The following UBE2M variants were observed in gnomAD, a reference collection of about 807,000 sequenced individuals.
UBE2M encodes ubiquitin conjugating enzyme E2 M.
UBE2M carries 2 observed loss-of-function variants against 23.5 expected under a neutral mutation model. The observed-to-expected ratio is 0.09, with a 90% CI of 0.03 to 0.27. UBE2M has a LOEUF of 0.27. Among genes scored for constraint, UBE2M ranks in the 10% least tolerant of loss-of-function variants. UBE2M has a pLI of 1.00. For missense variants in UBE2M, 103 were observed against 232.9 expected (o/e 0.44, Z 3.63); for synonymous variants, 97 against 95.2 (o/e 1.02, Z -0.11).
At chr19:58,557,186 CAGAA>C in intron 1 of UBE2M, 29 bp from the exon 2 acceptor site, 2 of 1,605,206 alleles carry the variant, frequency 1.2e-6, no homozygotes, top group Non-Finnish European at 1.7e-6. Flanking sequence ...GAGTCGGGAA[CAGAA>C]AGAGGGAGGG....
rs1314204887 is a variant in UBE2M at position 58,555,717 on chromosome 19, T to C, written c.*372A>G. 1 of 257,252 alleles carries C rather than the reference T, an allele frequency of 3.9e-6. No homozygotes were observed. Among genetic ancestry groups the C allele is most frequent in the East Asian group, 8.5e-5 (1 of 11,790 alleles). 15.9% of individuals were successfully genotyped at this position (257,252 alleles called of 1,614,324 possible). ...GAAGTAAGAAGCAGAGGCCATGCAG[T>C]AACATTCCCCTTTAATAGCCTGGTG... On this transcript the variant is annotated 3_prime_UTR_variant, in exon 6 of 6. Coordinates refer to ENST00000253023, the MANE Select transcript of UBE2M (RefSeq NM_003969.4).
Position 58,558,356 on chromosome 19 carries a change from T to A in UBE2M, c.26A>T (p.Gln9Leu). Residue 9 changes from glutamine to leucine, a missense_variant, in exon 1 of 6, where the codon CAG becomes CTG. Gln to Leu is a moderately radical substitution (Grantham distance 113). Coordinates refer to ENST00000253023, the MANE Select transcript of UBE2M (RefSeq NM_003969.4). This position sits in a 1 kb window ranked among gnomAD's most constrained non-coding sequence, Gnocchi z 4.7. ...CGCCGACTCCTCCTCCTTCTTCTGC[T>A]GCTTCAGCGAGAACAGCTTGATCAT... The part of the protein sequence containing the change: MIKLFSLK[Q>L]QKKEEESAGG... 6.3e-7 allele frequency: 1 copy of A among 1,582,246 alleles called. No individual in the cohort carries two copies. The highest frequency in any genetic ancestry group is 2.4e-5 in the East Asian group (1 of 41,090).
intron 1 of UBE2M, among the ~76,000 whole-genome samples, chr19:58,557,379 T>G (rs894287442): frequency 3.9e-5 from 6 of 151,902 alleles, no homozygotes; most frequent in Non-Finnish European, 7.4e-5. Flanking sequence ...AACATGCATG[T>G]TCAGCTGTGT....
rs367973119 is a variant in UBE2M at position 58,556,082 on chromosome 19, G to A, written c.*7C>T. The A allele has an allele frequency of 1.2e-4, 190 of 1,602,292 alleles. No individual in the cohort carries two copies. Among genetic ancestry groups the A allele is most frequent in the Non-Finnish European group, 1.5e-4 (176 of 1,172,846 alleles). ...GTGGCCGTGGCGGGGGTGGGTATGC[G>A]CCAACCCTATTTCAGGCAGCGCTCA... On this transcript the variant is annotated 3_prime_UTR_variant, in exon 6 of 6. Coordinates refer to ENST00000253023, the MANE Select transcript of UBE2M (RefSeq NM_003969.4). The surrounding 1 kb of genome is among the most constrained non-coding windows in gnomAD (Gnocchi z 4.9).
Position 58,556,959 on chromosome 19 carries a change from T to A in UBE2M, c.205-29A>T, listed in dbSNP as rs1401036524. 1 of 1,613,998 alleles carries A rather than the reference T, an allele frequency of 6.2e-7. No homozygotes were observed. The highest frequency in any genetic ancestry group is 8.5e-7 in the Non-Finnish European group (1 of 1,179,968). ...GGAGGAAAAGGGGGAGAAGAAAATTTTAGGGTTCCATCCTGTGGGGCCCGA... is the reference window on the plus strand; with the variant it reads ...GGAGGAAAAGGGGGAGAAGAAAATTATAGGGTTCCATCCTGTGGGGCCCGA... On this transcript the variant is annotated intron_variant, in intron 2 of 5. Transcript: ENST00000253023. This position sits in a 1 kb window ranked among gnomAD's most constrained non-coding sequence, Gnocchi z 4.9.
In UBE2M at chr19:58,557,087, G is replaced by C. The variant is rs775557874; in HGVS notation, c.180C>G (p.Phe60Leu). 1.9e-6 allele frequency: 3 copies of C among 1,614,008 alleles called. No individual in the cohort carries two copies. In the African/African-American group the frequency reaches 4.0e-5, roughly 22 times the overall value. Residue 60 changes from phenylalanine (F) to leucine (L), a missense_variant, in exon 2 of 6, where the codon TTC (phenylalanine) becomes TTG (leucine). Phe to Leu is a conservative substitution (Grantham distance 22). This residue lies in a region of UBE2M where 57 missense variants were observed against 103.3 expected (regional missense o/e 0.55). Transcript: ENST00000253023. Reference protein sequence around the residue: ...SFSDPDDLLNFKLVICPDEGF... With the variant: ...SFSDPDDLLNLKLVICPDEGF... The stretch of plus-strand genomic sequence containing the variant: ...CCTCATCAGGACAGATGACCAGCTT[G>C]AAGTTGAGGAGGTCGTCTGGATCTG...
chr19:58,556,076 G>C lies in UBE2M; in HGVS notation c.*13C>G. ...GGGCTTGTGGCCGTGGCGGGGGTGG[G>C]TATGCGCCAACCCTATTTCAGGCAG... is the stretch of plus-strand genomic sequence containing the variant. On this transcript the variant is annotated 3_prime_UTR_variant, in exon 6 of 6. Transcript: ENST00000253023. This position sits in a 1 kb window ranked among gnomAD's most constrained non-coding sequence, Gnocchi z 4.9. 6.3e-7 allele frequency: 1 copy of C among 1,596,698 alleles called. No homozygotes were observed. The highest frequency in any genetic ancestry group is 1.1e-5 in the South Asian group (1 of 90,770).
In UBE2M at chr19:58,556,689, G is replaced by A; in HGVS notation, c.345C>T (p.Leu115=). 2.0e-6 allele frequency: 3 copies of A among 1,528,018 alleles called. No homozygotes were observed. Among genetic ancestry groups the A allele is most frequent in the South Asian group, 1.3e-5 (1 of 76,026 alleles). 94.7% of individuals were successfully genotyped at this position (1,528,018 alleles called of 1,614,324 possible). ...DLEGNVCLNI[L]REDWKPVLTI... is the part of the protein sequence containing the mutation. ...CATTAGAGGGCCAGTGTCCTCACCT[G>A]AGGATGTTGAGGCAGACGTTGCCCT... Residue 115 remains leucine, a splice_region_variant and synonymous_variant, in exon 4 of 6, where the codon CTC becomes CTT. Coordinates refer to ENST00000253023, the MANE Select transcript of UBE2M (RefSeq NM_003969.4). The surrounding 1 kb of genome is among the most constrained non-coding windows in gnomAD (Gnocchi z 4.9).
At chr19:58,557,019 C>G (rs1239894438) in intron 2 of UBE2M, 44 bp downstream of exon 2, 1 of 1,613,222 alleles carries the variant, frequency 6.2e-7, no homozygotes, top group African/African-American at 1.3e-5. Context: ...TCAGTGGGGA[C>G]ACCCTTGGTT....
chr19:58,556,245 G>A lies in UBE2M; in HGVS notation c.412-16C>T, dbSNP rs1418069825. ...GGTTGGGCTCCTGTGGCCAGTACAG[G>A]TAGGGGGGGTCAACAGGCCAGAGGG... On this transcript the variant is annotated splice_polypyrimidine_tract_variant and intron_variant, in intron 5 of 5. Coordinates refer to ENST00000253023, the MANE Select transcript of UBE2M (RefSeq NM_003969.4). This position sits in a 1 kb window ranked among gnomAD's most constrained non-coding sequence, Gnocchi z 4.9. 1 of 1,613,850 alleles carries A rather than the reference G, an allele frequency of 6.2e-7. No individual in the cohort carries two copies. Among genetic ancestry groups the A allele is most frequent in the African/African-American group, 1.3e-5 (1 of 74,906 alleles).
chr19:58,558,336 A>ACTC lies in UBE2M; in HGVS notation c.43_45dup (p.Glu15dup), dbSNP rs765915153. On this transcript the variant is annotated inframe_insertion, in exon 1 of 6. Coordinates refer to ENST00000253023, the MANE Select transcript of UBE2M (RefSeq NM_003969.4). This position sits in a 1 kb window ranked among gnomAD's most constrained non-coding sequence, Gnocchi z 4.7. The stretch of plus-strand genomic sequence containing the variant: ...CTGCTGCCCTTGGTGCCGCCCGCCG[A>ACTC]CTCCTCCTCCTTCTTCTGCTGCTTC... 2.5e-6 allele frequency: 4 copies of ACTC among 1,586,856 alleles called. No individual in the cohort carries two copies. Among genetic ancestry groups the ACTC allele is most frequent in the Non-Finnish European group, 3.4e-6 (4 of 1,168,584 alleles).
rs1568669752 is a variant in UBE2M at position 58,556,015 on chromosome 19, C to T, written c.*74G>A. ...CCACCGGCCGCCCCCCAAACCCCTACCCATGGCCCCCAATAAATATTTGCA... is the reference window on the plus strand; with the variant it reads ...CCACCGGCCGCCCCCCAAACCCCTATCCATGGCCCCCAATAAATATTTGCA... On this transcript the variant is annotated 3_prime_UTR_variant, in exon 6 of 6. Coordinates refer to ENST00000253023, the MANE Select transcript of UBE2M (RefSeq NM_003969.4). This position sits in a 1 kb window ranked among gnomAD's most constrained non-coding sequence, Gnocchi z 4.9. The T allele has an allele frequency of 6.5e-7, 1 of 1,544,120 alleles. No individual in the cohort carries two copies. The highest frequency in any genetic ancestry group is 2.3e-5 in the East Asian group (1 of 42,676).
intron 1 of UBE2M, 38 bp from the exon 2 acceptor site, chr19:58,557,195 G>T: frequency 6.3e-7 from 1 of 1,596,098 alleles, no homozygotes; most frequent in Non-Finnish European, 8.6e-7. Context: ...ACAGAAAGAG[G>T]GAGGGGAAGA....
chr19:58,557,674 C>A (rs1019211692), intron 1 of UBE2M, among the ~76,000 whole-genome samples: 1 of 151,312 alleles, frequency 6.6e-6, no homozygotes, highest in Non-Finnish European at 1.5e-5. Context: ...ACCCCACCCC[C>A]TCTGACTCTG....
Position 58,556,816 on chromosome 19 carries a change from A to G in UBE2M, c.244-26T>C. On this transcript the variant is annotated intron_variant, in intron 3 of 5. Coordinates refer to ENST00000253023, the MANE Select transcript of UBE2M (RefSeq NM_003969.4). This position sits in a 1 kb window ranked among gnomAD's most constrained non-coding sequence, Gnocchi z 4.9. ...CTGGCTCCAGGAAAAGAAAAGAGAG[A>G]TGGGTAGGTGCCTGGAAGGGCCTCA... 2 of 1,609,170 alleles carry G rather than the reference A, an allele frequency of 1.2e-6. No homozygotes were observed. The highest frequency in any genetic ancestry group is 8.5e-7 in the Non-Finnish European group (1 of 1,177,794).
Position 58,556,004 on chromosome 19 carries a change from C to G in UBE2M, c.*85G>C, listed in dbSNP as rs1407052871. On this transcript the variant is annotated 3_prime_UTR_variant, in exon 6 of 6. Coordinates refer to ENST00000253023, the MANE Select transcript of UBE2M (RefSeq NM_003969.4). The surrounding 1 kb of genome is among the most constrained non-coding windows in gnomAD (Gnocchi z 4.9). ...AGGGGATTCCCCCACCGGCCGCCCCCCAAACCCCTACCCATGGCCCCCAAT... is the reference window on the plus strand; with the variant it reads ...AGGGGATTCCCCCACCGGCCGCCCCGCAAACCCCTACCCATGGCCCCCAAT... The G allele has an allele frequency of 5.2e-6, 8 of 1,532,022 alleles. No homozygotes were observed. The East Asian group carries it at 1.2e-4, about 23-fold the overall frequency. 94.9% of individuals were successfully genotyped at this position (1,532,022 alleles called of 1,614,324 possible).
In UBE2M at chr19:58,558,243, C is replaced by T. The variant is rs960615448; in HGVS notation, c.109+30G>A. ...GCCTCAGGCCCTGACCTCCGACCTC[C>T]GGCTCCAACCCCATCCCCTGACCCC... On this transcript the variant is annotated intron_variant, in intron 1 of 5. Coordinates refer to ENST00000253023, the MANE Select transcript of UBE2M (RefSeq NM_003969.4). The surrounding 1 kb of genome is among the most constrained non-coding windows in gnomAD (Gnocchi z 4.7). 1 of 1,587,846 alleles carries T rather than the reference C, an allele frequency of 6.3e-7. No homozygotes were observed. The highest frequency in any genetic ancestry group is 8.6e-7 in the Non-Finnish European group (1 of 1,165,154).
rs774688956 is a variant in UBE2M at position 58,556,962 on chromosome 19, G to A, written c.205-32C>T. 8.1e-6 allele frequency: 13 copies of A among 1,613,864 alleles called. No homozygotes were observed. Among genetic ancestry groups the A allele is most frequent in the Admixed American group, 6.7e-5 (4 of 59,992 alleles). On this transcript the variant is annotated intron_variant, in intron 2 of 5. Transcript: ENST00000253023. The surrounding 1 kb of genome is among the most constrained non-coding windows in gnomAD (Gnocchi z 4.9). ...GGAAAAGGGGGAGAAGAAAATTTTA[G>A]GGTTCCATCCTGTGGGGCCCGATGG... is the stretch of plus-strand genomic sequence containing the variant.
In UBE2M at chr19:58,558,376, G is replaced by C; in HGVS notation, c.6C>G (p.Ile2Met). The part of the protein sequence containing the change: M[I>M]KLFSLKQQKK... ...TCTGCTGCTTCAGCGAGAACAGCTT[G>C]ATCATCCTGCCGCCGCCGCCGCCGC... Residue 2 changes from isoleucine to methionine, a missense_variant, in exon 1 of 6, where the codon ATC becomes ATG. Coordinates refer to ENST00000253023, the MANE Select transcript of UBE2M (RefSeq NM_003969.4). This position sits in a 1 kb window ranked among gnomAD's most constrained non-coding sequence, Gnocchi z 4.7. 1 of 1,475,660 alleles carries C rather than the reference G, an allele frequency of 6.8e-7. No individual in the cohort carries two copies. The highest frequency in any genetic ancestry group is 9.0e-7 in the Non-Finnish European group (1 of 1,107,828). 91.4% of individuals were successfully genotyped at this position (1,475,660 alleles called of 1,614,324 possible).
Sources: gnomAD v4.1 joint callset for allele counts (sites outside exome capture counted in the v4.1 genomes callset) on GRCh38, gnomAD v4.1.1 for gene constraint, gnomAD v4.1.1 regional missense constraint, Gnocchi (gnomAD v3.1) non-coding constraint, MANE v1.5 for transcripts, NCBI Gene and HGNC (gene_info 2026-07-23, HGNC 2026-07-21) for gene names.